The following CPA6 variants were observed in gnomAD, a reference collection of about 807,000 sequenced individuals.
CPA6 encodes carboxypeptidase A6.
In CPA6, 58 loss-of-function variants were observed where a neutral mutation model predicts 63.3. The observed-to-expected ratio is 0.92, with a 90% CI of 0.74 to 1.14. The LOEUF is 1.14. CPA6 is among the 50% of genes most tolerant of loss of function. The pLI is 0.00. For synonymous variants in CPA6, 185 were observed against 179.0 expected, an observed-to-expected ratio of 1.03 and a Z score of -0.27; for missense variants, 565 against 526.6, an observed-to-expected ratio of 1.07 and a Z score of -0.71.
At chr8:67,597,114 T>C (rs1390198231) in intron 2 of CPA6, among the ~76,000 whole-genome samples, 1 of 152,150 alleles carries the variant, frequency 6.6e-6, no homozygotes, top group African/African-American at 2.4e-5. Flanking sequence ...TGACTACGCA[T>C]TACTTCTTCA....
intron 1 of CPA6, among the ~76,000 whole-genome samples, chr8:67,670,468 G>A (rs546322141): frequency 1.4e-4 from 22 of 152,206 alleles, no homozygotes; most frequent in African/African-American, 5.1e-4. Flanking sequence ...AGATTTGGAC[G>A]GGGACACAGA....
chr8:67,664,985 C>T (rs77886489), intron 1 of CPA6, among the ~76,000 whole-genome samples: 18 of 152,162 alleles, frequency 1.2e-4, no homozygotes, highest in Admixed American at 7.9e-4. Context: ...TAGGAAAGGG[C>T]GAGGCAGAAA....
At chr8:67,680,820 A>G (rs1816575423) in intron 1 of CPA6, among the ~76,000 whole-genome samples, 1 of 152,194 alleles carries the variant, frequency 6.6e-6, no homozygotes. Context: ...AAAGCTTGAA[A>G]TTACCTTTTA....
intron 1 of CPA6, among the ~76,000 whole-genome samples, chr8:67,659,025 TC>T (rs1816050929): frequency 6.6e-6 from 1 of 152,204 alleles, no homozygotes; most frequent in African/African-American, 2.4e-5. Context: ...GCACCCTATC[TC>T]TTTTGATTAA....
chr8:67,457,366 C>T (rs560496482), intron 8 of CPA6, among the ~76,000 whole-genome samples: 1 of 152,104 alleles, frequency 6.6e-6, no homozygotes, highest in East Asian at 1.9e-4. Flanking sequence ...TCATTTTTTT[C>T]CTGTCTATTA....
At chr8:67,484,356 G>A (rs1811428861) in intron 7 of CPA6, among the ~76,000 whole-genome samples, 1 of 152,178 alleles carries the variant, frequency 6.6e-6, no homozygotes, top group African/African-American at 2.4e-5. Context: ...ACAGGCTTGA[G>A]CCACCGCGCC....
At chr8:67,529,872 T>G (rs1394128323) in intron 2 of CPA6, among the ~76,000 whole-genome samples, 1 of 152,158 alleles carries the variant, frequency 6.6e-6, no homozygotes, top group Non-Finnish European at 1.5e-5. Flanking sequence ...CCTATCAGCT[T>G]TTTAATGCCC....
Position 67,624,172 on chromosome 8 carries a change from T to C in CPA6, c.192+4A>G, listed in dbSNP as rs775478331. The C allele has an allele frequency of 2.6e-6, 4 of 1,515,744 alleles. No individual in the cohort carries two copies. The highest frequency in any genetic ancestry group is 4.5e-5 in the East Asian group (2 of 44,260). The allele number at this position is 1,515,744 out of a possible 1,614,324, so 93.9% of individuals were successfully genotyped here. ...CTACCATAAGTGTGTAGATGTTCTATTACCTTAAGTTGATAGGATATTTTC... is the reference window on the plus strand; with the variant it reads ...CTACCATAAGTGTGTAGATGTTCTACTACCTTAAGTTGATAGGATATTTTC... On this transcript the variant is annotated splice_donor_region_variant and intron_variant, in intron 2 of 10. Coordinates refer to ENST00000297770, the MANE Select transcript of CPA6 (RefSeq NM_020361.5).
intron 1 of CPA6, among the ~76,000 whole-genome samples, chr8:67,687,216 T>C (rs1391381399): frequency 1.3e-5 from 2 of 152,232 alleles, no homozygotes; most frequent in Non-Finnish European, 2.9e-5. Context: ...TTTCCAGTTT[T>C]AGCACTGAAA....
rs1211323183 is a variant in CPA6 at position 67,733,196 on chromosome 8, C to CAAAAAAAAAAAA, written c.116+12806_116+12817dup. Among the ~76,000 whole-genome samples, 48 of 14,888 alleles carry CAAAAAAAAAAAA rather than the reference C, an allele frequency of 3.2e-3. 4 individuals are homozygous for CAAAAAAAAAAAA. Among genetic ancestry groups the CAAAAAAAAAAAA allele is most frequent in the African/African-American group, 8.6e-3 (41 of 4,758 alleles). 9.8% of individuals were successfully genotyped at this position (14,888 alleles called of 152,430 possible). On this transcript the variant is annotated intron_variant, in intron 1 of 10. Transcript: ENST00000297770. ...TGGGCTACAGAGCGAGACTCCATCTCAAAAAAAAAAAAAAAAAAAAAAAAA... is the reference window on the plus strand; with the variant it reads ...TGGGCTACAGAGCGAGACTCCATCTCAAAAAAAAAAAAAAAAAAAAAAAAAAAAAAAAAAAAA...
chr8:67,566,390 G>A (rs1258999070), intron 2 of CPA6, among the ~76,000 whole-genome samples: 2 of 152,184 alleles, frequency 1.3e-5, no homozygotes, highest in Non-Finnish European at 2.9e-5. Context: ...TCTGACAGCT[G>A]AGCCTCCACT....
chr8:67,717,903 C>T (rs1253024320), intron 1 of CPA6, among the ~76,000 whole-genome samples: 1 of 152,130 alleles, frequency 6.6e-6, no homozygotes, highest in Non-Finnish European at 1.5e-5. Context: ...CTGATTGTCC[C>T]TGAGAGAGTT....
At chr8:67,599,630 A>C (rs1441243501) in intron 2 of CPA6, among the ~76,000 whole-genome samples, 1 of 152,210 alleles carries the variant, frequency 6.6e-6, no homozygotes, top group African/African-American at 2.4e-5. Context: ...AACAAGTATG[A>C]GCCAATGCTG....
chr8:67,629,099 G>A (rs1389300133), intron 1 of CPA6, among the ~76,000 whole-genome samples: 1 of 151,934 alleles, frequency 6.6e-6, no homozygotes. Flanking sequence ...TGATGACAGA[G>A]TGAGACTCCA....
intron 8 of CPA6, among the ~76,000 whole-genome samples, chr8:67,480,207 A>C (rs960040389): frequency 6.6e-6 from 1 of 152,236 alleles, no homozygotes; most frequent in African/African-American, 2.4e-5. Context: ...ATAATCAGCT[A>C]TAATTCACAT....
chr8:67,695,346 C>T (rs1816893698), intron 1 of CPA6, among the ~76,000 whole-genome samples: 2 of 152,178 alleles, frequency 1.3e-5, no homozygotes, highest in South Asian at 4.1e-4. Context: ...AACACTGAGT[C>T]CCCAATATGG....
chr8:67,449,438 C>T (rs1172116979), intron 8 of CPA6, among the ~76,000 whole-genome samples: 2 of 152,034 alleles, frequency 1.3e-5, no homozygotes, highest in Non-Finnish European at 2.9e-5. Flanking sequence ...GCTTTTTTGT[C>T]TACTTATTTT....
intron 2 of CPA6, among the ~76,000 whole-genome samples, chr8:67,594,813 C>T (rs1025530861): frequency 5.9e-5 from 9 of 152,102 alleles, no homozygotes; most frequent in Non-Finnish European, 1.3e-4. Context: ...AACTTCTTTG[C>T]CTTTGGTTTG....
intron 1 of CPA6, among the ~76,000 whole-genome samples, chr8:67,654,013 T>C (rs1337426000): frequency 6.6e-6 from 1 of 152,062 alleles, no homozygotes; most frequent in African/African-American, 2.4e-5. Flanking sequence ...GTGGTTTTTG[T>C]CTTTGGTTCT....
Sources: allele counts gnomAD v4.1 joint callset (sites outside exome capture counted in the v4.1 genomes callset), GRCh38; gene constraint gnomAD v4.1.1; transcripts MANE v1.5; gene names NCBI Gene and HGNC (gene_info 2026-07-23, HGNC 2026-07-21).